SP7: variants seen among roughly 807,000 people sequenced by gnomAD.
SP7 encodes transcription factor Sp7.
A neutral mutation model predicts 27.9 loss-of-function variants in SP7; 13 were observed. The ratio of observed to expected loss-of-function variants is 0.47; its 90% CI spans 0.30 to 0.74. The LOEUF (loss-of-function observed/expected upper bound fraction) is 0.74, where lower values mean the gene tolerates loss of function less well. Among genes scored for constraint, SP7 ranks in the 30% least tolerant of loss-of-function variants. The pLI, the probability that SP7 is intolerant of heterozygous loss-of-function variation, is 0.06. For missense variants in SP7, 525 were observed against 558.0 expected (o/e 0.94, Z 0.60); for synonymous variants, 219 against 226.7 (o/e 0.97, Z 0.31).
chr12:53,330,879 G>A (rs893451504), intron 2 of SP7, among the ~76,000 whole-genome samples: 6 of 152,208 alleles, frequency 3.9e-5, no homozygotes, highest in Non-Finnish European at 8.8e-5. Context: ...TGATGGTGGA[G>A]ACACTGGGAC....
chr12:53,327,445 A>G lies in SP7; in HGVS notation c.*701T>C, dbSNP rs1461100999. The G allele has an allele frequency of 2.8e-4, 42 of 152,548 alleles. No individual in the cohort carries two copies. The highest frequency in any genetic ancestry group is 2.9e-5 in the Non-Finnish European group (2 of 68,034). 9.4% of individuals were successfully genotyped at this position (152,548 alleles called of 1,614,324 possible). The stretch of plus-strand genomic sequence containing the variant: ...ATGGATCCACTTCCCTCCCCAGCTC[A>G]CTCTACCTGACCCGTCATCATAACT... On this transcript the variant is annotated 3_prime_UTR_variant, in exon 3 of 3. Transcript: ENST00000536324.
Position 53,335,648 on chromosome 12 carries a change from C to A in SP7, c.-2G>T. ...TACCTCAAGCAGGGAGGACGCCATC[C>A]TGAGGCTGGGGAACGGGTCCCAAGG... On this transcript the variant is annotated 5_prime_UTR_variant, in exon 2 of 3. The change creates a new upstream start codon in the 5' untranslated region. Coordinates refer to ENST00000536324, the MANE Select transcript of SP7 (RefSeq NM_001173467.3). 1 of 1,469,470 alleles carries A rather than the reference C, an allele frequency of 6.8e-7. No individual in the cohort carries two copies. The allele number at this position is 1,469,470 out of a possible 1,614,324, so 91.0% of individuals were successfully genotyped here.
chr12:53,337,823 G>C (rs543388144), upstream of SP7, among the ~76,000 whole-genome samples: 1 of 152,220 alleles, frequency 6.6e-6, no homozygotes, highest in African/African-American at 2.4e-5. Flanking sequence ...TTAGGGGAAG[G>C]GTTTGGGAAC....
chr12:53,331,763 A>C (rs890091119), intron 2 of SP7, among the ~76,000 whole-genome samples: 10 of 152,218 alleles, frequency 6.6e-5, no homozygotes, highest in Admixed American at 2.0e-4. Flanking sequence ...TGGGTTCTTC[A>C]TAAACTCATA....
At chr12:53,342,365 C>G (rs1212629903) in intron 1 of SP7, among the ~76,000 whole-genome samples, 2 of 152,202 alleles carry the variant, frequency 1.3e-5, no homozygotes, top group African/African-American at 4.8e-5. Flanking sequence ...ACTTAAAGAA[C>G]ATTCTTTCAT....
At chr12:53,340,881 C>T (rs1944816643), upstream of SP7, among the ~76,000 whole-genome samples, 2 of 152,178 alleles carry the variant, frequency 1.3e-5, no homozygotes, top group Non-Finnish European at 2.9e-5. Flanking sequence ...CCTCTAAGAG[C>T]AATGGGGCTG....
intron 2 of SP7, among the ~76,000 whole-genome samples, chr12:53,333,930 G>A (rs1039893524): frequency 1.2e-4 from 18 of 152,124 alleles, no homozygotes; most frequent in African/African-American, 2.7e-4. Flanking sequence ...CTCTCCTTTC[G>A]CCATGCACTA....
At chr12:53,337,560 C>T (rs1214387911), upstream of SP7, among the ~76,000 whole-genome samples, 1 of 152,146 alleles carries the variant, frequency 6.6e-6, no homozygotes, top group Non-Finnish European at 1.5e-5. Context: ...GGGAATAAAG[C>T]CCCATCCTTT....
At chr12:53,332,260 T>C (rs1944713938) in intron 2 of SP7, among the ~76,000 whole-genome samples, 1 of 151,988 alleles carries the variant, frequency 6.6e-6, no homozygotes, top group South Asian at 2.1e-4. Context: ...AAAAGACCCA[T>C]AGCAATGGGG....
chr12:53,343,498 C>A (rs905022781), intron 1 of SP7, among the ~76,000 whole-genome samples: 20 of 152,110 alleles, frequency 1.3e-4, no homozygotes, highest in African/African-American at 4.6e-4. Flanking sequence ...AGCTATTTAA[C>A]CTTTGAGGCC....
chr12:53,329,274 G>A lies in SP7; in HGVS notation c.168C>T (p.Ala56=), dbSNP rs903801155. The A allele has an allele frequency of 1.9e-6, 3 of 1,613,720 alleles. No homozygotes were observed. Among genetic ancestry groups the A allele is most frequent in the Non-Finnish European group, 2.5e-6 (3 of 1,179,894 alleles). Reference sequence around the variant, plus strand: ...GATAAGCATCCCCCATGGTTTTGGAGGCTGAAAGGTCACTGCCCACAGAGT... The same window carrying A: ...GATAAGCATCCCCCATGGTTTTGGAAGCTGAAAGGTCACTGCCCACAGAGT... ...KPYSVGSDLS[A]SKTMGDAYPA... The change falls in exon 3 of 3, where the codon GCC becomes GCT. Residue 56 remains alanine (A), a synonymous_variant. Transcript: ENST00000536324.
intron 2 of SP7, among the ~76,000 whole-genome samples, chr12:53,329,797 C>T (rs10876430): frequency 0.92 from 139,944 of 151,844 alleles, 65,615 homozygotes; most frequent in East Asian, 1. Context: ...AATGGTGTGA[C>T]CTCGGCTCAC....
chr12:53,339,821 CA>C (rs1944806978), upstream of SP7, among the ~76,000 whole-genome samples: 1 of 151,950 alleles, frequency 6.6e-6, no homozygotes, highest in East Asian at 1.9e-4. Flanking sequence ...TCCACACCAT[CA>C]CCCTCTACCA....
Position 53,328,018 on chromosome 12 carries a change from G to A in SP7, c.*128C>T. 1 of 965,530 alleles carries A rather than the reference G, an allele frequency of 1.0e-6. No homozygotes were observed. 59.8% of individuals were successfully genotyped at this position (965,530 alleles called of 1,614,324 possible). ...ATACCCAAGCCCAGAATGGCCAGGA[G>A]GGAGACAGAGGGAGAGAGCCCCGAA... is the stretch of plus-strand genomic sequence containing the variant. On this transcript the variant is annotated 3_prime_UTR_variant, in exon 3 of 3. Coordinates refer to ENST00000536324, the MANE Select transcript of SP7 (RefSeq NM_001173467.3). This position sits in a 1 kb window ranked among gnomAD's most constrained non-coding sequence, Gnocchi z 5.1.
chr12:53,326,739 G>A lies in SP7; in HGVS notation c.*1407C>T, dbSNP rs1229343413. The A allele has an allele frequency of 1.3e-5, 2 of 152,588 alleles. No homozygotes were observed. Among genetic ancestry groups the A allele is most frequent in the Non-Finnish European group, 2.9e-5 (2 of 68,052 alleles). 9.5% of individuals were successfully genotyped at this position (152,588 alleles called of 1,614,324 possible). ...AGAAAAGGAGGATCCAACGTTACAG[G>A]AAAGGCACGAAGCGGCTTTAAAAGT... On this transcript the variant is annotated 3_prime_UTR_variant, in exon 3 of 3. Coordinates refer to ENST00000536324, the MANE Select transcript of SP7 (RefSeq NM_001173467.3).
Position 53,344,677 on chromosome 12 carries a change from G to A in SP7, c.-34+437C>T, listed in dbSNP as rs1294962176. Among the ~76,000 whole-genome samples the A allele has an allele frequency of 6.6e-6, 1 of 152,154 alleles. No individual in the cohort carries two copies. On this transcript the variant is annotated intron_variant, in intron 1 of 1. Transcript: ENST00000547755. The surrounding 1 kb of genome is among the most constrained non-coding windows in gnomAD (Gnocchi z 4.6). The stretch of plus-strand genomic sequence containing the variant: ...TTAGCCCCCAGCCACAGCTGTGGGG[G>A]AGATAGGCACCCTCAGAAGGACAGG...
upstream of SP7, among the ~76,000 whole-genome samples, chr12:53,338,372 C>G (rs562512871): frequency 6.6e-6 from 1 of 152,066 alleles, no homozygotes; most frequent in East Asian, 1.9e-4. Flanking sequence ...TAGAGAAATT[C>G]CTGTATCACC....
chr12:53,339,973 C>T (rs1195763833), upstream of SP7, among the ~76,000 whole-genome samples: 1 of 152,124 alleles, frequency 6.6e-6, no homozygotes, highest in East Asian at 1.9e-4. Context: ...GAGACTGACA[C>T]ATGCCCTAAT....
Position 53,328,324 on chromosome 12 carries a change from T to C in SP7, c.1118A>G (p.Gln373Arg). ...CGGGCCTGGTTCTCCATGGGTGCGC[T>C]GGTGTTTGCTCAGGTGGTCGCTTCG... ...FTRSDHLSKH[Q>R]RTHGEPGPGP... Residue 373 changes from glutamine (Q) to arginine (R), a missense_variant, in exon 3 of 3, where the codon CAG (glutamine) becomes CGG (arginine). Transcript: ENST00000536324. This position sits in a 1 kb window ranked among gnomAD's most constrained non-coding sequence, Gnocchi z 5.1. 6.2e-7 allele frequency: 1 copy of C among 1,611,488 alleles called. No homozygotes were observed. Among genetic ancestry groups the C allele is most frequent in the Non-Finnish European group, 8.5e-7 (1 of 1,178,310 alleles).
Sources: allele counts gnomAD v4.1 joint callset (sites outside exome capture counted in the v4.1 genomes callset), GRCh38; gene constraint gnomAD v4.1.1; non-coding constraint Gnocchi (gnomAD v3.1); transcripts MANE v1.5; gene names NCBI Gene and HGNC (gene_info 2026-07-23, HGNC 2026-07-21).